The following CARMIL1 variants were observed in gnomAD, a reference collection of about 807,000 sequenced individuals.
CARMIL1 encodes the protein F-actin-uncapping protein LRRC16A.
In CARMIL1, 90 loss-of-function variants were observed where a neutral mutation model predicts 177.1. That is an observed-to-expected ratio of 0.51 (90% CI 0.43 to 0.61). CARMIL1 has a LOEUF of 0.61. CARMIL1 is among the 20% of genes least tolerant of loss of function. CARMIL1 has a pLI of 0.00. For missense variants in CARMIL1, 1,380 were observed against 1,667.0 expected (o/e 0.83, Z 3.00); for synonymous variants, 577 against 606.2 (o/e 0.95, Z 0.71).
intron 29 of CARMIL1, among the ~76,000 whole-genome samples, chr6:25,567,275 G>A (rs1374846193): frequency 6.6e-6 from 1 of 152,130 alleles, no homozygotes; most frequent in Non-Finnish European, 1.5e-5. Context: ...CTGAGTGTTC[G>A]GTGGATAGTA....
chr6:25,405,938 G>A (rs1345717029), intron 2 of CARMIL1, among the ~76,000 whole-genome samples: 1 of 152,180 alleles, frequency 6.6e-6, no homozygotes, highest in Admixed American at 6.5e-5. Context: ...ATTTTCAGAG[G>A]TGGAAATAGG....
chr6:25,362,844 G>A (rs954518583), intron 2 of CARMIL1, among the ~76,000 whole-genome samples: 2 of 151,846 alleles, frequency 1.3e-5, no homozygotes, highest in Non-Finnish European at 2.9e-5. Context: ...AAACCAGCCT[G>A]GCCAACATGG....
At chr6:25,332,783 A>ACG in intron 2 of CARMIL1, among the ~76,000 whole-genome samples, 1 of 131,714 alleles carries the variant, frequency 7.6e-6, no homozygotes, top group Admixed American at 7.8e-5. Flanking sequence ...GCGCACACAC[A>ACG]CACACACACT....
intron 2 of CARMIL1, among the ~76,000 whole-genome samples, chr6:25,290,045 A>G (rs575489682): frequency 6.6e-6 from 1 of 152,310 alleles, no homozygotes; most frequent in South Asian, 2.1e-4. Flanking sequence ...TTTACCAGCA[A>G]TGTATGAGTG....
Position 25,619,595 on chromosome 6 carries a change from G to A in CARMIL1, c.*12G>A, listed in dbSNP as rs145813363. ...TTATTTTTGTGTAAAGGTCACCCAC[G>A]CAGAAGTCTTCCTGTGCAGGGTGCT... On this transcript the variant is annotated 3_prime_UTR_variant, in exon 37 of 37. Transcript: ENST00000329474. 9 of 1,611,860 alleles carry A rather than the reference G, an allele frequency of 5.6e-6. No homozygotes were observed. Among genetic ancestry groups the A allele is most frequent in the Non-Finnish European group, 7.6e-6 (9 of 1,178,930 alleles).
At chr6:25,416,170 A>G (rs891009383) in intron 2 of CARMIL1, among the ~76,000 whole-genome samples, 45 of 152,166 alleles carry the variant, frequency 3.0e-4, no homozygotes, top group African/African-American at 1.1e-3. Flanking sequence ...CCTTTTCCTT[A>G]TGATATCCAA....
At chr6:25,459,230 CTTTCTTT>C in intron 8 of CARMIL1, among the ~76,000 whole-genome samples, 1 of 84,970 alleles carries the variant, frequency 1.2e-5, no homozygotes, top group African/African-American at 4.3e-5. Flanking sequence ...TTCTTTCTTT[CTTTCTTT>C]CTTTCTTTCT....
At chr6:25,368,503 C>T (rs1790069200) in intron 2 of CARMIL1, among the ~76,000 whole-genome samples, 1 of 152,194 alleles carries the variant, frequency 6.6e-6, no homozygotes, top group South Asian at 2.1e-4. Context: ...CAGCTACATA[C>T]AGATCAATGT....
chr6:25,568,086 G>A (rs993900486), intron 29 of CARMIL1, among the ~76,000 whole-genome samples: 17 of 152,222 alleles, frequency 1.1e-4, no homozygotes, highest in African/African-American at 3.9e-4. Context: ...TTTGACGTAT[G>A]TGCTGAAGAA....
At chr6:25,396,363 C>T (rs201636803) in intron 2 of CARMIL1, among the ~76,000 whole-genome samples, 15 of 140,764 alleles carry the variant, frequency 1.1e-4, no homozygotes, top group East Asian at 2.0e-4. Flanking sequence ...TTTTTTTTTC[C>T]TTTTTTTTTT....
chr6:25,486,806 A>G (rs913621175), intron 12 of CARMIL1, among the ~76,000 whole-genome samples: 7 of 152,242 alleles, frequency 4.6e-5, no homozygotes, highest in African/African-American at 1.7e-4. Flanking sequence ...AGTGAGTAAG[A>G]TGGTATCTCA....
At chr6:25,338,798 C>T (rs550646131) in intron 2 of CARMIL1, among the ~76,000 whole-genome samples, 1 of 152,236 alleles carries the variant, frequency 6.6e-6, no homozygotes, top group South Asian at 2.1e-4. Context: ...AAGGATTTTA[C>T]ACTTAAATGT....
chr6:25,553,891 C>T, intron 27 of CARMIL1, 118 bp from the exon 28 acceptor site: 1 of 674,638 alleles, frequency 1.5e-6, no homozygotes, highest in East Asian at 2.8e-5. Flanking sequence ...TCTTATATTC[C>T]ACTTTCAAAG....
At chr6:25,316,498 A>G (rs772172866) in intron 2 of CARMIL1, among the ~76,000 whole-genome samples, 3 of 148,854 alleles carry the variant, frequency 2.0e-5, no homozygotes, top group Non-Finnish European at 3.0e-5. Flanking sequence ...CGCAACCTCC[A>G]TCTCGCGGGT....
chr6:25,304,325 C>T (rs1194048822), intron 2 of CARMIL1, among the ~76,000 whole-genome samples: 1 of 152,180 alleles, frequency 6.6e-6, no homozygotes, highest in Non-Finnish European at 1.5e-5. Flanking sequence ...TGGGTAAGTT[C>T]AAGTATAGAT....
At chr6:25,503,207 A>G (rs1240723394) in intron 17 of CARMIL1, among the ~76,000 whole-genome samples, 2 of 152,200 alleles carry the variant, frequency 1.3e-5, no homozygotes, top group East Asian at 3.8e-4. Flanking sequence ...TATATGATAA[A>G]TTGATACTGC....
chr6:25,490,698 AAAATAAATAAAT>A (rs199709831), intron 13 of CARMIL1, among the ~76,000 whole-genome samples: 12,961 of 124,906 alleles, frequency 0.1, 801 homozygotes, highest in Non-Finnish European at 0.15. Flanking sequence ...ACCCTGTCTT[AAAATAAATAAAT>A]AAATAAATAA....
At chr6:25,431,394 T>C (rs1348765042) in intron 4 of CARMIL1, among the ~76,000 whole-genome samples, 1 of 152,232 alleles carries the variant, frequency 6.6e-6, no homozygotes, top group African/African-American at 2.4e-5. Context: ...ACAGTTCATC[T>C]TAGAGCAATG....
chr6:25,355,669 G>A (rs1321035885), intron 2 of CARMIL1, among the ~76,000 whole-genome samples: 1 of 152,072 alleles, frequency 6.6e-6, no homozygotes, highest in Non-Finnish European at 1.5e-5. Flanking sequence ...GCAAGACCCT[G>A]TTTGGAAAAA....
Sources: gnomAD v4.1 joint callset for allele counts (sites outside exome capture counted in the v4.1 genomes callset) on GRCh38, gnomAD v4.1.1 for gene constraint, MANE v1.5 for transcripts, NCBI Gene and HGNC (gene_info 2026-07-23, HGNC 2026-07-21) for gene names.